Variants in PSD3 observed in about 807,000 individuals in gnomAD.
PSD3 encodes the protein PH and SEC7 domain-containing protein 3.
In PSD3, 49 loss-of-function variants were observed where a neutral mutation model predicts 105.5. That is an observed-to-expected ratio of 0.46 (90% confidence interval 0.37 to 0.59). The LOEUF is 0.59. PSD3 is among the 20% of genes least tolerant of loss of function. The pLI, the probability that PSD3 is intolerant of heterozygous loss-of-function variation, is 0.00. For synonymous variants in PSD3, 557 were observed against 457.8 expected, an observed-to-expected ratio of 1.22 and a Z score of -2.77; for missense variants, 1,561 against 1,263.8, an observed-to-expected ratio of 1.24 and a Z score of -3.57.
chr8:18,747,289 A>G (rs1413487648), intron 9 of PSD3, among the ~76,000 whole-genome samples: 1 of 152,258 alleles, frequency 6.6e-6, no homozygotes, highest in African/African-American at 2.4e-5. Flanking sequence ...TTAATTAGAT[A>G]TTACAAACAA....
intron 11 of PSD3, among the ~76,000 whole-genome samples, chr8:18,608,456 GACC>G (rs1191591776): frequency 1.3e-5 from 2 of 152,162 alleles, no homozygotes; most frequent in Admixed American, 1.3e-4. Flanking sequence ...TACACATGAA[GACC>G]ACATTTCTGC....
At chr8:18,702,735 C>G (rs971681072) in intron 9 of PSD3, among the ~76,000 whole-genome samples, 5 of 151,962 alleles carry the variant, frequency 3.3e-5, no homozygotes, top group African/African-American at 1.2e-4. Flanking sequence ...GCCTCAGCCT[C>G]CCGAGTAGCT....
intron 9 of PSD3, among the ~76,000 whole-genome samples, chr8:18,659,240 T>G (rs1341126563): frequency 6.6e-6 from 1 of 152,166 alleles, no homozygotes; most frequent in South Asian, 2.1e-4. Context: ...AATTAAACAA[T>G]AGAACAAATT....
chr8:19,040,688 G>A (rs170794), intron 1 of PSD3, among the ~76,000 whole-genome samples: 42,239 of 152,068 alleles, frequency 0.28, 6,885 homozygotes, highest in East Asian at 0.43. Flanking sequence ...CAATCAGCCA[G>A]GTGAGAGATC....
intron 1 of PSD3, among the ~76,000 whole-genome samples, chr8:19,003,907 G>A (rs79221754): frequency 0.12 from 18,126 of 151,818 alleles, 1,323 homozygotes; most frequent in Non-Finnish European, 0.16. Context: ...GGTTCTAGGG[G>A]CAACCACTAA....
chr8:18,570,838 T>G (rs1320464847), intron 14 of PSD3, among the ~76,000 whole-genome samples: 1 of 113,814 alleles, frequency 8.8e-6, no homozygotes. Context: ...CTGTCCTGCT[T>G]AAAACTATTA....
Position 18,938,198 on chromosome 8 carries a change from A to C in PSD3, c.22-2056T>G, listed in dbSNP as rs80236247. On this transcript the variant is annotated intron_variant, in intron 1 of 15. Transcript: ENST00000327040. Reference sequence around the variant, plus strand: ...GGAAAATGAATTGGAGTGAGACAAGAAGCAGCAGAGATATCAGCTAGAAAT... The same window carrying C: ...GGAAAATGAATTGGAGTGAGACAAGCAGCAGCAGAGATATCAGCTAGAAAT... Among the ~76,000 whole-genome samples, 976 of 152,340 alleles carry C rather than the reference A, an allele frequency of 6.4e-3. 10 individuals are homozygous for C. The highest frequency in any genetic ancestry group is 0.01 in the Non-Finnish European group (694 of 68,024).
chr8:18,775,016 C>T (rs182838125), intron 8 of PSD3: 97 of 454,026 alleles, frequency 2.1e-4, no homozygotes, highest in African/African-American at 1.7e-3. Context: ...CCCTGTGCCC[C>T]TCCTCCTCCT....
At chr8:18,641,894 G>C (rs954714136) in intron 10 of PSD3, among the ~76,000 whole-genome samples, 1 of 151,996 alleles carries the variant, frequency 6.6e-6, no homozygotes, top group African/African-American at 2.4e-5. Context: ...ATGGATCTTT[G>C]TCACTTACCA....
At chr8:18,862,955 C>T (rs1197360912) in intron 4 of PSD3, among the ~76,000 whole-genome samples, 2 of 151,526 alleles carry the variant, frequency 1.3e-5, no homozygotes, top group Admixed American at 1.3e-4. Context: ...CAGACTGAAG[C>T]GCTTCCCTCA....
chr8:18,933,330 T>G (rs1821868659), intron 2 of PSD3, among the ~76,000 whole-genome samples: 1 of 152,182 alleles, frequency 6.6e-6, no homozygotes, highest in African/African-American at 2.4e-5. Context: ...CAGAGAACTA[T>G]GTAGACATTT....
intron 1 of PSD3, among the ~76,000 whole-genome samples, chr8:18,980,414 G>C (rs1156860178): frequency 6.6e-6 from 1 of 152,194 alleles, no homozygotes; most frequent in Admixed American, 6.5e-5. Flanking sequence ...TTCCCTCTCT[G>C]TCAAGTGAAA....
Position 18,608,733 on chromosome 8 carries a change from A to G in PSD3, c.2411-8299T>C, listed in dbSNP as rs139289357. Among the ~76,000 whole-genome samples the G allele has an allele frequency of 6.1e-4, 93 of 152,344 alleles. 2 individuals are homozygous for G. The East Asian group carries it at 0.016, about 26-fold the overall frequency. On this transcript the variant is annotated intron_variant, in intron 11 of 15. Transcript: ENST00000327040. ...ATAAAATATTTCTAAACAATAAAAT[A>G]TTCATTAACGAGTAATAATGGATTT...
At chr8:18,586,980 CCT>C (rs1248368271) in intron 12 of PSD3, among the ~76,000 whole-genome samples, 4 of 152,144 alleles carry the variant, frequency 2.6e-5, no homozygotes, top group Non-Finnish European at 5.9e-5. Context: ...TGGCAAAGCC[CCT>C]GTTACACAGG....
intron 9 of PSD3, chr8:18,733,479 A>C (rs1803920625): frequency 6.6e-6 from 1 of 152,528 alleles, no homozygotes; most frequent in South Asian, 2.1e-4. Context: ...GAGAATAGCA[A>C]ATGGTGGTAT....
chr8:19,038,733 A>G (rs980175305), intron 1 of PSD3, among the ~76,000 whole-genome samples: 3 of 152,168 alleles, frequency 2.0e-5, no homozygotes, highest in African/African-American at 7.2e-5. Flanking sequence ...AGGTGCTGTG[A>G]AGGTGTGAGC....
At chr8:18,773,261 T>A (rs1807717166) in intron 8 of PSD3, among the ~76,000 whole-genome samples, 1 of 152,190 alleles carries the variant, frequency 6.6e-6, no homozygotes, top group South Asian at 2.1e-4. Flanking sequence ...TACCATTTTT[T>A]AAAAAGTCTG....
chr8:18,730,673 C>T (rs1803681252), intron 9 of PSD3, among the ~76,000 whole-genome samples: 1 of 152,194 alleles, frequency 6.6e-6, no homozygotes, highest in Admixed American at 6.5e-5. Flanking sequence ...GCTTCTATCC[C>T]TTAAAATACC....
At chr8:18,667,103 T>G (rs764840949) in intron 9 of PSD3, among the ~76,000 whole-genome samples, 7 of 152,112 alleles carry the variant, frequency 4.6e-5, no homozygotes, top group Non-Finnish European at 8.8e-5. Context: ...AAAGGCAGTG[T>G]GGAAGGGGAC....
Sources: allele counts gnomAD v4.1 joint callset (sites outside exome capture counted in the v4.1 genomes callset), GRCh38; gene constraint gnomAD v4.1.1; transcripts MANE v1.5; gene names NCBI Gene and HGNC (gene_info 2026-07-23, HGNC 2026-07-21).